KDM4B: variants seen among roughly 807,000 people sequenced by gnomAD.
KDM4B encodes lysine demethylase 4B, also known as lysine-specific demethylase 4B.
A neutral mutation model predicts 125.2 loss-of-function variants in KDM4B; 32 were observed. The ratio of observed to expected loss-of-function variants is 0.26; its 90% confidence interval spans 0.19 to 0.34. The LOEUF is 0.34. Ranked by LOEUF, KDM4B falls within the 10% of genes least tolerant of loss-of-function variation. The pLI, the probability that KDM4B is intolerant of heterozygous loss-of-function variation, is 1.00. For synonymous variants in KDM4B, 721 were observed against 677.9 expected (o/e 1.06, Z -0.99); for missense variants, 1,190 against 1,577.7 (o/e 0.75, Z 4.16).
At position 5,131,239 on chromosome 19, in the gene KDM4B, C is replaced by A. The variant is rs372453119; in HGVS notation, c.1479C>A (p.Gly493=). The change falls in exon 12 of 23, where the codon GGC becomes GGA. Residue 493 remains glycine, a synonymous_variant. Coordinates refer to ENST00000159111, the MANE Select transcript of KDM4B (RefSeq NM_015015.3). ...TGGAGCCCCCGGTGCTGGGCCCAGG[C>A]CCTGCAGCCATGGAGGAGAGCCCCC... ...SPLEPPVLGP[G]PAAMEESPLP... 6.2e-7 allele frequency: 1 copy of A among 1,608,064 alleles called. No individual in the cohort carries two copies. Among genetic ancestry groups the A allele is most frequent in the Non-Finnish European group, 8.5e-7 (1 of 1,177,760 alleles).
chr19:5,148,619 A>C (rs2620832), intron 21 of KDM4B, among the ~76,000 whole-genome samples: 1 of 152,048 alleles, frequency 6.6e-6, no homozygotes, highest in Admixed American at 6.5e-5. Flanking sequence ...GGACTCCTGC[A>C]GTGGGAGCTC....
intron 6 of KDM4B, among the ~76,000 whole-genome samples, chr19:5,048,062 G>T (rs2037085371): frequency 6.6e-6 from 1 of 152,208 alleles, no homozygotes; most frequent in Admixed American, 6.5e-5. Context: ...AGAGGGGCCT[G>T]GCCAGGATGA....
intron 18 of KDM4B, chr19:5,138,328 C>T (rs2039684909): frequency 1.9e-6 from 1 of 517,640 alleles, no homozygotes; most frequent in African/African-American, 1.9e-5. Context: ...CAGGTGTGGC[C>T]TTGGGGGCAT....
chr19:4,993,799 G>T (rs1376195000), intron 1 of KDM4B, among the ~76,000 whole-genome samples: 1 of 151,780 alleles, frequency 6.6e-6, no homozygotes, highest in Non-Finnish European at 1.5e-5. Context: ...TTTAACAGAG[G>T]TGAGGTCTTA....
At chr19:5,016,644 A>G (rs957157876) in intron 2 of KDM4B, among the ~76,000 whole-genome samples, 57 of 152,184 alleles carry the variant, frequency 3.7e-4, no homozygotes, top group African/African-American at 1.3e-3. Context: ...TTCGGGTGAC[A>G]CTGGGGTTTC....
rs1378523716 is a variant in KDM4B, at chr19:5,151,405, G to C, written c.3185G>C (p.Arg1062Pro). The stretch of plus-strand genomic sequence containing the variant: ...GAGGCCAAGGCCGCCAAGCGCCCGC[G>C]TGTGGGCACCCCGCTTGCCACGGAG... The part of the protein sequence containing the change: ...GEEAKAAKRP[R>P]VGTPLATEDS... Residue 1062 changes from arginine (R) to proline (P), a missense_variant, in exon 23 of 23, where the codon CGT becomes CCT. Transcript: ENST00000159111. 1 of 1,582,002 alleles carries C rather than the reference G, an allele frequency of 6.3e-7. No homozygotes were observed. Among genetic ancestry groups the C allele is most frequent in the Non-Finnish European group, 8.6e-7 (1 of 1,166,646 alleles).
chr19:5,054,717 C>T (rs540892299), intron 6 of KDM4B, among the ~76,000 whole-genome samples: 8 of 152,350 alleles, frequency 5.3e-5, no homozygotes, highest in South Asian at 2.1e-4. Context: ...TGGCCTAGAG[C>T]GTGGCGTGTG....
rs1005286160 is a variant in KDM4B, at chr19:5,115,227, G to C, written c.1115+4409G>C. On this transcript the variant is annotated intron_variant, in intron 10 of 22. Transcript: ENST00000159111. The surrounding 1 kb of genome is among the most constrained non-coding windows in gnomAD (Gnocchi z 4.2). ...GAGGGCTGCAGGGGGAATGTACCACGGGGCCTCAGAAAGACACAGCGGGCA... is the reference window on the plus strand; with the variant it reads ...GAGGGCTGCAGGGGGAATGTACCACCGGGCCTCAGAAAGACACAGCGGGCA... Among the ~76,000 whole-genome samples, 1 of 152,114 alleles carries C rather than the reference G, an allele frequency of 6.6e-6. No homozygotes were observed. Among genetic ancestry groups the C allele is most frequent in the Non-Finnish European group, 1.5e-5 (1 of 68,014 alleles).
chr19:5,119,123 T>C (rs2039310914), intron 10 of KDM4B: 1 of 1,524,756 alleles, frequency 6.6e-7, no homozygotes, highest in Admixed American at 2.0e-5. Flanking sequence ...TCTAGACAAA[T>C]TAGTCTGAAA....
chr19:5,032,474 A>C (rs1282818553), intron 2 of KDM4B, among the ~76,000 whole-genome samples: 1 of 152,214 alleles, frequency 6.6e-6, no homozygotes, highest in African/African-American at 2.4e-5. Context: ...GAAAACCCGC[A>C]GATGCCGCGG....
chr19:4,993,218 T>C (rs1011993199), intron 1 of KDM4B, among the ~76,000 whole-genome samples: 1 of 152,152 alleles, frequency 6.6e-6, no homozygotes, highest in African/African-American at 2.4e-5. Flanking sequence ...GAGACCAGCC[T>C]GGCCAACAAG....
chr19:5,047,799 G>A (rs1439777763), intron 6 of KDM4B, 130 bp downstream of exon 6: 18 of 868,722 alleles, frequency 2.1e-5, no homozygotes, highest in Admixed American at 1.6e-4. Context: ...GGCCTATGAC[G>A]GCTGGAGATC....
intron 3 of KDM4B, among the ~76,000 whole-genome samples, chr19:5,037,517 G>T (rs1291920735): frequency 1.3e-5 from 2 of 152,158 alleles, no homozygotes; most frequent in Non-Finnish European, 2.9e-5. Context: ...TGCCCCAGGC[G>T]CCTTTTGCAC....
intron 6 of KDM4B, among the ~76,000 whole-genome samples, chr19:5,056,081 A>G (rs2037386561): frequency 1.3e-5 from 2 of 152,132 alleles, no homozygotes; most frequent in African/African-American, 4.8e-5. Context: ...GATGCCCTGG[A>G]CAGTGTTGAG....
At chr19:5,062,006 C>G (rs61044462) in intron 6 of KDM4B, among the ~76,000 whole-genome samples, 11,219 of 152,278 alleles carry the variant, frequency 0.074, 1,337 homozygotes, top group African/African-American at 0.25. Context: ...AGGGCTGGCC[C>G]CGCAGAATGC....
intron 1 of KDM4B, among the ~76,000 whole-genome samples, chr19:4,981,504 T>A (rs1393631883): frequency 6.6e-6 from 1 of 152,070 alleles, no homozygotes; most frequent in African/African-American, 2.4e-5. Context: ...CCTGACAGGG[T>A]TGTGAGCCTT....
At chr19:5,003,374 G>A (rs528107692) in intron 1 of KDM4B, among the ~76,000 whole-genome samples, 63 of 152,162 alleles carry the variant, frequency 4.1e-4, no homozygotes, top group African/African-American at 1.4e-3. Context: ...CCAGCTTCTC[G>A]GGAGGCTGAG....
intron 6 of KDM4B, among the ~76,000 whole-genome samples, chr19:5,049,493 T>G (rs2145717202): frequency 6.7e-6 from 1 of 148,968 alleles, no homozygotes. Flanking sequence ...GGGGTGGGGA[T>G]GGCAGGGGTG....
At chr19:5,017,405 C>T (rs1728477089) in intron 2 of KDM4B, among the ~76,000 whole-genome samples, 2 of 152,166 alleles carry the variant, frequency 1.3e-5, no homozygotes, top group South Asian at 2.1e-4. Flanking sequence ...GTTGCCTTCT[C>T]CTCACAGTGG....
Sources: allele counts gnomAD v4.1 joint callset (sites outside exome capture counted in the v4.1 genomes callset), GRCh38; gene constraint gnomAD v4.1.1; non-coding constraint Gnocchi (gnomAD v3.1); transcripts MANE v1.5; gene names NCBI Gene and HGNC (gene_info 2026-07-23, HGNC 2026-07-21).